FAM149B1: variants seen among roughly 807,000 people sequenced by gnomAD.
The protein encoded by FAM149B1 is primary cilium assembly protein FAM149B1.
FAM149B1 carries 56 observed loss-of-function variants against 75.3 expected under a neutral mutation model. The ratio of observed to expected loss-of-function variants is 0.74; its 90% CI spans 0.60 to 0.93. The LOEUF (loss-of-function observed/expected upper bound fraction) is 0.93, where lower values mean the gene tolerates loss of function less well. Ranked by LOEUF, FAM149B1 falls within the 40% of genes least tolerant of loss-of-function variation. The pLI is 0.00. For synonymous variants in FAM149B1, 259 were observed against 256.1 expected (o/e 1.01, Z -0.11); for missense variants, 639 against 708.4 (o/e 0.90, Z 1.11).
intron 1 of FAM149B1, 135 bp downstream of exon 1, chr10:73,168,521 C>T: frequency 9.9e-7 from 1 of 1,013,692 alleles, no homozygotes; most frequent in Admixed American, 2.9e-5. Context: ...CCTCTCAGCC[C>T]TGCTGGACCC....
In FAM149B1 at chr10:73,177,746, T is replaced by TGTACACATATATTTATTTGTACACATA; in HGVS notation, c.153-100_153-99insGTACACATATATTTATTTGTACACATA. 4 of 1,038,912 alleles carry TGTACACATATATTTATTTGTACACATA rather than the reference T, an allele frequency of 3.9e-6. No homozygotes were observed. In the African/African-American group the frequency reaches 4.9e-5, roughly 13 times the overall value. The allele number at this position is 1,038,912 out of a possible 1,614,324, so 64.4% of individuals were successfully genotyped here. On this transcript the variant is annotated intron_variant, in intron 2 of 13. Transcript: ENST00000242505. ...CTATGTGGATATATTTGTACACATG[T>TGTACACATATATTTATTTGTACACATA]TAATCACCTAGTAAGTTGCTGAGTA...
intron 3 of FAM149B1, among the ~76,000 whole-genome samples, chr10:73,188,756 G>GGGAAGGAAGGAAGGAA (rs71021548): frequency 1.2e-3 from 153 of 129,476 alleles, no homozygotes; most frequent in African/African-American, 3.0e-3. Context: ...GAAGGAAGGA[G>GGGAAGGAAGGAAGGAA]GGAAGGAAGG....
At chr10:73,196,412 C>T (rs2042808085) in intron 5 of FAM149B1, among the ~76,000 whole-genome samples, 1 of 151,926 alleles carries the variant, frequency 6.6e-6, no homozygotes, top group African/African-American at 2.4e-5. Flanking sequence ...GCCTTGAGCT[C>T]CTGGCCTCAA....
intron 1 of FAM149B1, among the ~76,000 whole-genome samples, chr10:73,170,833 C>T (rs187975750): frequency 1.5e-3 from 224 of 152,120 alleles, no homozygotes; most frequent in Middle Eastern, 3.4e-3. Context: ...AATAAAGTGA[C>T]TGAGGTTTAG....
At chr10:73,194,976 G>A (rs373986964) in intron 5 of FAM149B1, among the ~76,000 whole-genome samples, 22 of 152,096 alleles carry the variant, frequency 1.4e-4, no homozygotes, top group Admixed American at 7.2e-4. Context: ...GAGCCACCAC[G>A]CCCAGCCCAA....
At position 73,168,221 on chromosome 10, in the gene FAM149B1, G is replaced by T. The variant is rs1282134579; in HGVS notation, c.-119G>T. 4.6e-6 allele frequency: 5 copies of T among 1,075,936 alleles called. No individual in the cohort carries two copies. The African/African-American group carries it at 8.3e-5, about 18-fold the overall frequency. The allele number at this position is 1,075,936 out of a possible 1,614,324, so 66.6% of individuals were successfully genotyped here. On this transcript the variant is annotated 5_prime_UTR_variant, in exon 1 of 14. Coordinates refer to ENST00000242505, the MANE Select transcript of FAM149B1 (RefSeq NM_173348.2). The stretch of plus-strand genomic sequence containing the variant: ...CTAGGTGACGGGGCGAGACGGGGCC[G>T]GTAGGTGGCGGGAGGGGCCGGGCCG...
chr10:73,192,545 T>G lies in FAM149B1; in HGVS notation c.283-11T>G. On this transcript the variant is annotated splice_polypyrimidine_tract_variant and intron_variant, in intron 3 of 13. Coordinates refer to ENST00000242505, the MANE Select transcript of FAM149B1 (RefSeq NM_173348.2). Reference sequence around the variant, plus strand: ...CTCACCTAAATATTTGGGGGGAATATTTTCTTCTAGGAACTCGATCAAAAT... The same window carrying G: ...CTCACCTAAATATTTGGGGGGAATAGTTTCTTCTAGGAACTCGATCAAAAT... The G allele has an allele frequency of 1.9e-6, 3 of 1,549,224 alleles. No homozygotes were observed. The highest frequency in any genetic ancestry group is 2.6e-6 in the Non-Finnish European group (3 of 1,146,320).
In FAM149B1 at chr10:73,244,073, T is replaced by G. The variant is rs988303971; in HGVS notation, c.*3054T>G. On this transcript the variant is annotated 3_prime_UTR_variant, in exon 14 of 14. Transcript: ENST00000242505. ...TGAATCGAATTACATAACTATGTCA[T>G]TCATTAAATGGCAACAATGCTGACA... 4 of 641,520 alleles carry G rather than the reference T, an allele frequency of 6.2e-6. No individual in the cohort carries two copies. In the Admixed American group the frequency reaches 1.3e-4, roughly 21 times the overall value. The allele number at this position is 641,520 out of a possible 1,614,324, so 39.7% of individuals were successfully genotyped here. A position where few individuals can be genotyped will look rare whatever the true frequency, so the allele number is the denominator to read the frequency against.
chr10:73,210,776 C>T (rs1377002012), intron 7 of FAM149B1, among the ~76,000 whole-genome samples: 2 of 151,906 alleles, frequency 1.3e-5, no homozygotes, highest in Admixed American at 1.3e-4. Flanking sequence ...TGAGCTATGA[C>T]TGCACCACTG....
intron 5 of FAM149B1, among the ~76,000 whole-genome samples, chr10:73,197,726 C>T (rs2042840756): frequency 1.3e-5 from 2 of 151,708 alleles, no homozygotes; most frequent in African/African-American, 2.4e-5. Context: ...GCTGAGATCA[C>T]GTCACTGCAC....
chr10:73,206,618 T>G (rs927199991), intron 5 of FAM149B1, among the ~76,000 whole-genome samples: 1 of 152,218 alleles, frequency 6.6e-6, no homozygotes, highest in East Asian at 1.9e-4. Flanking sequence ...ACCCAGGACC[T>G]TGTTGCCTTG....
At chr10:73,172,447 C>G (rs962625035) in intron 1 of FAM149B1, among the ~76,000 whole-genome samples, 1 of 152,196 alleles carries the variant, frequency 6.6e-6, no homozygotes, top group Non-Finnish European at 1.5e-5. Flanking sequence ...ACCAAATGAC[C>G]TTAAGCAGGT....
At position 73,228,046 on chromosome 10, in the gene FAM149B1, GTTCC is replaced by G; in HGVS notation, c.899-11_899-8del. ...AGATTATCCATGGATAATATATCCT[GTTCC>G]TTTGCCCAGATGATGAGAGTAATGT... On this transcript the variant is annotated splice_polypyrimidine_tract_variant and intron_variant, in intron 7 of 13. Coordinates refer to ENST00000242505, the MANE Select transcript of FAM149B1 (RefSeq NM_173348.2). 1 of 1,551,262 alleles carries G rather than the reference GTTCC, an allele frequency of 6.4e-7. No individual in the cohort carries two copies. Among genetic ancestry groups the G allele is most frequent in the Non-Finnish European group, 8.7e-7 (1 of 1,146,542 alleles).
chr10:73,192,505 C>A (rs2042707836), intron 3 of FAM149B1, 51 bp from the exon 4 acceptor site: 1 of 1,508,518 alleles, frequency 6.6e-7, no homozygotes, highest in Middle Eastern at 1.7e-4. Context: ...TAATTTTTAA[C>A]AGAGAGTGAA....
intron 13 of FAM149B1, among the ~76,000 whole-genome samples, chr10:73,240,650 T>C (rs958354456): frequency 3.3e-5 from 5 of 150,534 alleles, no homozygotes; most frequent in African/African-American, 1.2e-4. Flanking sequence ...AGGCAGAGCT[T>C]GCAGTGAGCC....
chr10:73,175,043 A>AAAAC (rs150074240), intron 2 of FAM149B1, among the ~76,000 whole-genome samples: 1 of 152,000 alleles, frequency 6.6e-6, no homozygotes, highest in African/African-American at 2.4e-5. Context: ...TTAGAATGAA[A>AAAAC]AAACAAACAA....
At chr10:73,236,717 T>C (rs2043830311) in intron 12 of FAM149B1, among the ~76,000 whole-genome samples, 1 of 149,414 alleles carries the variant, frequency 6.7e-6, no homozygotes, top group Non-Finnish European at 1.5e-5. Flanking sequence ...CGGCCTTTTT[T>C]TTCTTTTCTT....
At chr10:73,183,251 G>A (rs951482003) in intron 3 of FAM149B1, 3 of 152,194 alleles carry the variant, frequency 2.0e-5, no homozygotes, top group East Asian at 1.9e-4. Context: ...TATTTAATAT[G>A]TATATGATAT....
intron 3 of FAM149B1, among the ~76,000 whole-genome samples, chr10:73,191,439 C>T (rs1415899450): frequency 1.3e-5 from 2 of 149,818 alleles, no homozygotes; most frequent in African/African-American, 2.5e-5. Context: ...CAGGTTCAGG[C>T]GATTCTCCTG....
Sources: gnomAD v4.1 joint callset for allele counts (sites outside exome capture counted in the v4.1 genomes callset) on GRCh38, gnomAD v4.1.1 for gene constraint, MANE v1.5 for transcripts, NCBI Gene and HGNC (gene_info 2026-07-23, HGNC 2026-07-21) for gene names.